Variants in TUBGCP2 observed in about 807,000 individuals in gnomAD.
TUBGCP2 encodes tubulin gamma complex component 2.
In TUBGCP2, 55 loss-of-function variants were observed where a neutral mutation model predicts 92.2. The ratio of observed to expected loss-of-function variants is 0.60; its 90% CI spans 0.48 to 0.75. The LOEUF (loss-of-function observed/expected upper bound fraction) is 0.75, where lower values mean the gene tolerates loss of function less well. Among genes scored for constraint, TUBGCP2 ranks in the 30% least tolerant of loss-of-function variants. The pLI is 0.00. For synonymous variants in TUBGCP2, 533 were observed against 505.2 expected, an observed-to-expected ratio of 1.06 and a Z score of -0.74; for missense variants, 1,093 against 1,188.9, an observed-to-expected ratio of 0.92 and a Z score of 1.19.
upstream of TUBGCP2, among the ~76,000 whole-genome samples, chr10:133,311,466 CA>C (rs1326388887): frequency 1.3e-5 from 2 of 151,636 alleles, no homozygotes; most frequent in East Asian, 3.8e-4. Flanking sequence ...ATACTATTTT[CA>C]AAAAAAAGTA....
intron 8 of TUBGCP2, among the ~76,000 whole-genome samples, chr10:133,291,268 C>CCCGTGTCCCT (rs1554935676): frequency 2.9e-4 from 14 of 48,522 alleles, no homozygotes; most frequent in South Asian, 1.1e-3. Flanking sequence ...CTCCGTGTCC[C>CCCGTGTCCCT]CCATGTCCCT....
At chr10:133,289,245 G>A (rs2136117235) in intron 9 of TUBGCP2, among the ~76,000 whole-genome samples, 1 of 152,370 alleles carries the variant, frequency 6.6e-6, no homozygotes, top group East Asian at 1.9e-4. Flanking sequence ...ACTGTCAGCG[G>A]CTACAGACTG....
At chr10:133,282,393 G>A in intron 15 of TUBGCP2, 51 bp from the exon 16 acceptor site, 1 of 1,535,210 alleles carries the variant, frequency 6.5e-7, no homozygotes, top group Non-Finnish European at 8.8e-7. Context: ...CAACCACAAT[G>A]CTTTGCAGAA....
intron 1 of TUBGCP2, among the ~76,000 whole-genome samples, chr10:133,305,957 T>G (rs1022145779): frequency 1.3e-5 from 2 of 152,178 alleles, no homozygotes; most frequent in African/African-American, 4.8e-5. Flanking sequence ...CCAAGCTTCT[T>G]CTGAAAAGGG....
Position 133,299,881 on chromosome 10 carries a change from G to A in TUBGCP2, c.279+104C>T, listed in dbSNP as rs374363425. On this transcript the variant is annotated intron_variant, in intron 3 of 17. Transcript: ENST00000252936. ...GCCTAGAAGCGTTACTGGTGTGAGC[G>A]AGGAAGAGCTGACAGGAAGATGGCG... 1,140 of 1,473,540 alleles carry A rather than the reference G, an allele frequency of 7.7e-4. 15 individuals are homozygous for A. In the South Asian group the frequency reaches 0.013, roughly 16 times the overall value. 91.3% of individuals were successfully genotyped at this position (1,473,540 alleles called of 1,614,324 possible).
chr10:133,286,718 G>A (rs1378640433), intron 11 of TUBGCP2, among the ~76,000 whole-genome samples: 1 of 151,556 alleles, frequency 6.6e-6, no homozygotes, highest in African/African-American at 2.4e-5. Flanking sequence ...AGGAGATAAA[G>A]TTAGAAACAA....
chr10:133,297,537 G>C, intron 5 of TUBGCP2: 1 of 378,964 alleles, frequency 2.6e-6, no homozygotes, highest in South Asian at 2.1e-5. Context: ...CTACTTAAGA[G>C]GCCTCTGAGA....
In TUBGCP2 at chr10:133,291,162, G is replaced by A. The variant is rs865807936; in HGVS notation, c.1215-1193C>T. The A allele has an allele frequency of 1.3e-5, 5 of 373,378 alleles. 1 individual carries two copies. The highest frequency in any genetic ancestry group is 1.9e-5 in the Non-Finnish European group (4 of 213,682). The allele number at this position is 373,378 out of a possible 1,614,324, so 23.1% of individuals were successfully genotyped here. On this transcript the variant is annotated intron_variant, in intron 8 of 17. Coordinates refer to ENST00000252936, the MANE Select transcript of TUBGCP2 (RefSeq NM_006659.4). ...CCCTGGGCCCCATGGGCAGCAGGCG[G>A]ACATCTGCCCGGGGTGTGCTTTCCT... is the stretch of plus-strand genomic sequence containing the variant.
intron 1 of TUBGCP2, among the ~76,000 whole-genome samples, chr10:133,306,277 G>A (rs540966026): frequency 6.6e-6 from 1 of 152,274 alleles, no homozygotes; most frequent in South Asian, 2.1e-4. Flanking sequence ...CAAACTTTCC[G>A]GCCAGCGGCC....
At chr10:133,292,871 G>A (rs553507290) in intron 7 of TUBGCP2, among the ~76,000 whole-genome samples, 168 bp downstream of exon 7, 4 of 152,338 alleles carry the variant, frequency 2.6e-5, no homozygotes, top group Admixed American at 6.5e-5. Context: ...GAGCTTCCAG[G>A]GCTTTCCTCT....
At position 133,279,724 on chromosome 10, in the gene TUBGCP2, C is replaced by T; in HGVS notation, c.*42G>A. On this transcript the variant is annotated 3_prime_UTR_variant, in exon 18 of 18. Transcript: ENST00000252936. The stretch of plus-strand genomic sequence containing the variant: ...AAATTCTGGACCCATTTGCACCAGT[C>T]CCTGCTGACCCCACACCCTTCCTTC... 1 of 1,516,606 alleles carries T rather than the reference C, an allele frequency of 6.6e-7. No homozygotes were observed. Among genetic ancestry groups the T allele is most frequent in the Non-Finnish European group, 8.8e-7 (1 of 1,131,604 alleles). 93.9% of individuals were successfully genotyped at this position (1,516,606 alleles called of 1,614,324 possible).
At chr10:133,300,214 A>C in intron 2 of TUBGCP2, 101 bp from the exon 3 acceptor site, 1 of 1,362,772 alleles carries the variant, frequency 7.3e-7, no homozygotes, top group Non-Finnish European at 1.0e-6. Flanking sequence ...ATGGAATTAA[A>C]TTGGGTAGGT....
intron 7 of TUBGCP2, 55 bp from the exon 8 acceptor site, chr10:133,292,743 G>A (rs1847388999): frequency 4.5e-6 from 7 of 1,557,818 alleles, no homozygotes; most frequent in Non-Finnish European, 5.2e-6. Context: ...CCCAGCCTCT[G>A]CCAACAACAC....
At chr10:133,300,748 A>G (rs1347740247) in intron 2 of TUBGCP2, among the ~76,000 whole-genome samples, 1 of 152,228 alleles carries the variant, frequency 6.6e-6, no homozygotes. Flanking sequence ...TGCTGGCGTT[A>G]CAGGTGTGAG....
chr10:133,285,413 CCTG>C lies in TUBGCP2; in HGVS notation c.1895+40_1895+42del, dbSNP rs1468861103. Reference sequence around the variant, plus strand: ...TGGCACAGTTCTCGCTTCTGCCAAACCTGAGTGAAGATCTGGCAGGTGCCCGAG... The same window carrying C: ...TGGCACAGTTCTCGCTTCTGCCAAACAGTGAAGATCTGGCAGGTGCCCGAG... On this transcript the variant is annotated intron_variant, in intron 12 of 17. Transcript: ENST00000252936. The surrounding 1 kb of genome is among the most constrained non-coding windows in gnomAD (Gnocchi z 6.8). 1.2e-6 allele frequency: 2 copies of C among 1,612,386 alleles called. No individual in the cohort carries two copies. Among genetic ancestry groups the C allele is most frequent in the Admixed American group, 3.3e-5 (2 of 59,902 alleles).
intron 4 of TUBGCP2, among the ~76,000 whole-genome samples, chr10:133,298,699 A>G (rs1208375285): frequency 6.6e-6 from 1 of 152,262 alleles, no homozygotes; most frequent in East Asian, 1.9e-4. Flanking sequence ...CTGGTCAGGG[A>G]CACGGGCAGA....
chr10:133,304,033 C>A (rs1258101344), intron 1 of TUBGCP2, among the ~76,000 whole-genome samples: 1 of 152,162 alleles, frequency 6.6e-6, no homozygotes, highest in Admixed American at 6.6e-5. Context: ...CGATACAAGG[C>A]CATTAAGACA....
At chr10:133,299,273 T>C (rs902439077) in intron 4 of TUBGCP2, among the ~76,000 whole-genome samples, 154 bp downstream of exon 4, 2 of 152,154 alleles carry the variant, frequency 1.3e-5, no homozygotes, top group Non-Finnish European at 2.9e-5. Context: ...GCATTAAGCC[T>C]TGGCCTCTCT....
At position 133,292,504 on chromosome 10, in the gene TUBGCP2, T is replaced by C. The variant is rs138296826; in HGVS notation, c.1209A>G (p.Pro403=). 151 of 1,610,212 alleles carry C rather than the reference T, an allele frequency of 9.4e-5. 2 individuals are homozygous for C. Among genetic ancestry groups the C allele is most frequent in the South Asian group, 4.1e-4 (37 of 90,604 alleles). ...KWIYRGIIHD[P]YSEFMVEEHE... ...CGTGTCCCGGGGAGCCCTACCTGTATGGGTCGTGGATGATGCCCCTGTAGA... is the reference window on the plus strand; with the variant it reads ...CGTGTCCCGGGGAGCCCTACCTGTACGGGTCGTGGATGATGCCCCTGTAGA... The change falls in exon 8 of 18, where the codon CCA becomes CCG. Residue 403 remains proline, a synonymous_variant. Coordinates refer to ENST00000252936, the MANE Select transcript of TUBGCP2 (RefSeq NM_006659.4).
Sources: allele counts gnomAD v4.1 joint callset (sites outside exome capture counted in the v4.1 genomes callset), GRCh38; gene constraint gnomAD v4.1.1; non-coding constraint Gnocchi (gnomAD v3.1); transcripts MANE v1.5; gene names NCBI Gene and HGNC (gene_info 2026-07-23, HGNC 2026-07-21).